JARID2: variants seen among roughly 807,000 people sequenced by gnomAD.
The protein encoded by JARID2 is jumonji and AT-rich interaction domain containing 2, also known as protein Jumonji.
JARID2 carries 21 observed loss-of-function variants against 125.6 expected under a neutral mutation model. The observed-to-expected ratio is 0.17, with a 90% CI of 0.12 to 0.24. The LOEUF is 0.24. Among genes scored for constraint, JARID2 ranks in the 10% least tolerant of loss-of-function variants. The probability of loss-of-function intolerance (pLI) is 1.00; values close to 1 mark genes in which losing one functional copy is unlikely to be tolerated. For synonymous variants in JARID2, 736 were observed against 661.6 expected, an observed-to-expected ratio of 1.11 and a Z score of -1.73; for missense variants, 1,303 against 1,639.6, an observed-to-expected ratio of 0.79 and a Z score of 3.55.
At chr6:15,511,439 A>G (rs1173686366) in intron 13 of JARID2, 38 bp downstream of exon 13, 2 of 1,336,916 alleles carry the variant, frequency 1.5e-6, no homozygotes, top group African/African-American at 1.4e-5. Flanking sequence ...CAGGAGCTGT[A>G]GGACCTCCTA....
At chr6:15,383,713 G>A (rs1196023028) in intron 2 of JARID2, among the ~76,000 whole-genome samples, 1 of 152,022 alleles carries the variant, frequency 6.6e-6, no homozygotes, top group Admixed American at 6.6e-5. Context: ...CATTATTCTG[G>A]GGTGTAATTG....
intron 3 of JARID2, among the ~76,000 whole-genome samples, chr6:15,437,036 C>G (rs1767235997): frequency 6.6e-6 from 1 of 152,000 alleles, no homozygotes; most frequent in Non-Finnish European, 1.5e-5. Flanking sequence ...TGTCCTTCAG[C>G]CGTGTGATTT....
chr6:15,521,945 T>C lies in JARID2; in HGVS notation c.*1694T>C, dbSNP rs1771879154. On this transcript the variant is annotated 3_prime_UTR_variant, in exon 18 of 18. Transcript: ENST00000341776. ...CCCCTCCCTTGGGAGGGAGACTTCA[T>C]GTGGTTTATTGCGAGTTTTTTGTTT... 1 of 152,208 alleles carries C rather than the reference T, an allele frequency of 6.6e-6. No homozygotes were observed. The highest frequency in any genetic ancestry group is 6.5e-5 in the Admixed American group (1 of 15,286). The allele number at this position is 152,208 out of a possible 1,614,324, so 9.4% of individuals were successfully genotyped here. A position where few individuals can be genotyped will look rare whatever the true frequency, so the allele number is the denominator to read the frequency against.
intron 1 of JARID2, among the ~76,000 whole-genome samples, chr6:15,297,822 A>G (rs968825130): frequency 2.1e-4 from 32 of 152,108 alleles, no homozygotes; most frequent in South Asian, 4.1e-4. Flanking sequence ...TAGATTATTT[A>G]GTAGACCCTA....
At chr6:15,507,809 G>T (rs1209147685) in intron 11 of JARID2, among the ~76,000 whole-genome samples, 1 of 152,210 alleles carries the variant, frequency 6.6e-6, no homozygotes, top group Non-Finnish European at 1.5e-5. Flanking sequence ...AAAGCCAAGG[G>T]GTCATGGAGG....
At chr6:15,502,451 A>AGT (rs1373666187) in intron 8 of JARID2, among the ~76,000 whole-genome samples, 1 of 152,080 alleles carries the variant, frequency 6.6e-6, no homozygotes, top group African/African-American at 2.4e-5. Flanking sequence ...GCCTGGTGGG[A>AGT]GTGTGTGGCT....
chr6:15,398,548 CTT>C (rs1342461657), intron 2 of JARID2, among the ~76,000 whole-genome samples: 1 of 152,162 alleles, frequency 6.6e-6, no homozygotes, highest in African/African-American at 2.4e-5. Context: ...CAGTCTAAAA[CTT>C]ATGGCTATTT....
intron 1 of JARID2, among the ~76,000 whole-genome samples, chr6:15,283,164 G>A (rs1760834145): frequency 1.3e-5 from 2 of 148,892 alleles, no homozygotes; most frequent in Admixed American, 1.3e-4. Flanking sequence ...ATTTTTATTA[G>A]AGACGGGGTT....
intron 3 of JARID2, among the ~76,000 whole-genome samples, chr6:15,418,169 C>G (rs193299186): frequency 6.6e-6 from 1 of 151,794 alleles, no homozygotes; most frequent in African/African-American, 2.4e-5. Flanking sequence ...GGGAGAGACC[C>G]AGAACCCTAA....
intron 1 of JARID2, among the ~76,000 whole-genome samples, chr6:15,331,114 C>T (rs1337933740): frequency 2.0e-5 from 3 of 150,810 alleles, no homozygotes; most frequent in Non-Finnish European, 3.0e-5. Context: ...TGAGGCAGTT[C>T]GATCACTTGA....
At chr6:15,465,549 A>G (rs1185389359) in intron 4 of JARID2, among the ~76,000 whole-genome samples, 1 of 152,022 alleles carries the variant, frequency 6.6e-6, no homozygotes, top group African/African-American at 2.4e-5. Context: ...CATAAACTCA[A>G]TCCTCACCCT....
At chr6:15,441,233 G>T (rs1040751549) in intron 3 of JARID2, among the ~76,000 whole-genome samples, 2 of 152,194 alleles carry the variant, frequency 1.3e-5, no homozygotes, top group African/African-American at 2.4e-5. Context: ...TTCCATACAA[G>T]AACTTTGGGG....
intron 1 of JARID2, among the ~76,000 whole-genome samples, chr6:15,283,387 C>G (rs2127381500): frequency 7.0e-6 from 1 of 143,036 alleles, no homozygotes; most frequent in Middle Eastern, 4.0e-3. Context: ...GTGGCTCAGG[C>G]TGGAGCACAA....
At chr6:15,291,907 T>G (rs757900668) in intron 1 of JARID2, among the ~76,000 whole-genome samples, 1 of 152,242 alleles carries the variant, frequency 6.6e-6, no homozygotes, top group Non-Finnish European at 1.5e-5. Flanking sequence ...TAGCATTTTC[T>G]TATGTTATTA....
At chr6:15,374,475 C>G (rs1246266754) in intron 2 of JARID2, among the ~76,000 whole-genome samples, 1 of 152,194 alleles carries the variant, frequency 6.6e-6, no homozygotes, top group African/African-American at 2.4e-5. Context: ...ATACATTAGT[C>G]TGTTCTGTAG....
At chr6:15,374,024 T>C in intron 1 of JARID2, 93 bp from the exon 2 acceptor site, 1 of 1,455,104 alleles carries the variant, frequency 6.9e-7, no homozygotes, top group South Asian at 1.3e-5. Context: ...ACAGTACGTG[T>C]TCGGAAATTC....
At chr6:15,415,848 G>T in intron 3 of JARID2, among the ~76,000 whole-genome samples, 1 of 137,086 alleles carries the variant, frequency 7.3e-6, no homozygotes, top group Non-Finnish European at 1.6e-5. Context: ...CTCCCGGACG[G>T]GGCGGCTGGC....
chr6:15,468,594 G>A lies in JARID2; in HGVS notation c.546G>A (p.Glu182=), dbSNP rs763640814. Residue 182 remains glutamate (E), a synonymous_variant, in exon 5 of 18, where the codon GAG becomes GAA. Transcript: ENST00000341776. The part of the protein sequence containing the change: ...SMVYFGSSQD[E]EEVEEEDDET... ...TGTATTTTGGAAGCTCTCAGGATGAGGAGGAAGTCGAGGAGGAAGATGATG... is the reference window on the plus strand; with the variant it reads ...TGTATTTTGGAAGCTCTCAGGATGAAGAGGAAGTCGAGGAGGAAGATGATG... 6.2e-7 allele frequency: 1 copy of A among 1,613,972 alleles called. No homozygotes were observed. The highest frequency in any genetic ancestry group is 1.3e-5 in the African/African-American group (1 of 74,902).
intron 2 of JARID2, among the ~76,000 whole-genome samples, chr6:15,390,715 G>C (rs1426419785): frequency 2.0e-5 from 3 of 152,142 alleles, no homozygotes; most frequent in Admixed American, 2.0e-4. Context: ...TTGGATCCAT[G>C]AATACAGACC....
Sources: allele counts gnomAD v4.1 joint callset (sites outside exome capture counted in the v4.1 genomes callset), GRCh38; gene constraint gnomAD v4.1.1; transcripts MANE v1.5; gene names NCBI Gene and HGNC (gene_info 2026-07-23, HGNC 2026-07-21).